The following TMEM179 variants were observed in gnomAD, a reference collection of about 807,000 sequenced individuals.
TMEM179 encodes the protein transmembrane protein 179, also known as transmembrane protein 179A.
A neutral mutation model predicts 22.2 loss-of-function variants in TMEM179; 17 were observed. The ratio of observed to expected loss-of-function variants is 0.77; its 90% CI spans 0.52 to 1.15. The LOEUF is 1.15. Among genes scored for constraint, TMEM179 ranks in the 50% most tolerant of loss-of-function variants. The pLI is 0.00. For synonymous variants in TMEM179, 127 were observed against 140.5 expected, an observed-to-expected ratio of 0.90 and a Z score of 0.68; for missense variants, 265 against 313.6, an observed-to-expected ratio of 0.84 and a Z score of 1.17.
intron 1 of TMEM179, among the ~76,000 whole-genome samples, chr14:104,602,631 A>G (rs968534064): frequency 1.3e-5 from 2 of 152,218 alleles, no homozygotes; most frequent in Non-Finnish European, 2.9e-5. Flanking sequence ...ATGACGTCTC[A>G]AGCCTCTTCT....
rs1458656928 is a variant in TMEM179 at position 104,591,452 on chromosome 14, G to A, written c.*2027C>T. 3 of 455,610 alleles carry A rather than the reference G, an allele frequency of 6.6e-6. No individual in the cohort carries two copies. The highest frequency in any genetic ancestry group is 1.3e-5 in the Non-Finnish European group (3 of 226,604). The allele number at this position is 455,610 out of a possible 1,614,324, so 28.2% of individuals were successfully genotyped here. A position where few individuals can be genotyped will look rare whatever the true frequency, so the allele number is the denominator to read the frequency against. On this transcript the variant is annotated 3_prime_UTR_variant, in exon 4 of 4. Coordinates refer to ENST00000556573, the MANE Select transcript of TMEM179 (RefSeq NM_001286389.2). ...TCCCCATGTCCAGTGGGTCAGGGCT[G>A]GAAGGGGAGACAGGGGACCCCATCA...
At position 104,595,603 on chromosome 14, in the gene TMEM179, G is replaced by A. The variant is rs920473714; in HGVS notation, c.444-360C>T. The stretch of plus-strand genomic sequence containing the variant: ...TCCTGACCCAGGACGGCCGGAAGAC[G>A]CCAGCTCAGCCTCTGCTTTTCTGGA... On this transcript the variant is annotated intron_variant, in intron 2 of 3. Transcript: ENST00000556573. This position sits in a 1 kb window ranked among gnomAD's most constrained non-coding sequence, Gnocchi z 5.7. Among the ~76,000 whole-genome samples the A allele has an allele frequency of 3.9e-5, 6 of 152,038 alleles. No homozygotes were observed. The highest frequency in any genetic ancestry group is 1.3e-4 in the Admixed American group (2 of 15,282).
At chr14:104,603,876 C>A (rs1002870539) in intron 1 of TMEM179, among the ~76,000 whole-genome samples, 4 of 152,204 alleles carry the variant, frequency 2.6e-5, no homozygotes, top group Non-Finnish European at 5.9e-5. Context: ...AGGCGCTGAG[C>A]CCACAAGGCA....
rs976371108 is a variant in TMEM179 at position 104,595,513 on chromosome 14, A to G, written c.444-270T>C. Among the ~76,000 whole-genome samples, 1 of 151,728 alleles carries G rather than the reference A, an allele frequency of 6.6e-6. No individual in the cohort carries two copies. The highest frequency in any genetic ancestry group is 1.5e-5 in the Non-Finnish European group (1 of 67,946). On this transcript the variant is annotated intron_variant, in intron 2 of 3. Coordinates refer to ENST00000556573, the MANE Select transcript of TMEM179 (RefSeq NM_001286389.2). This position sits in a 1 kb window ranked among gnomAD's most constrained non-coding sequence, Gnocchi z 5.7. The stretch of plus-strand genomic sequence containing the variant: ...GCCAGCTCTGCCTCTGCCCTCCTGG[A>G]CCCTCTGCCCCCCATGCCCCACACT...
In TMEM179 at chr14:104,595,647, C is replaced by T. The variant is rs183159508; in HGVS notation, c.444-404G>A. On this transcript the variant is annotated intron_variant, in intron 2 of 3. Transcript: ENST00000556573. The surrounding 1 kb of genome is among the most constrained non-coding windows in gnomAD (Gnocchi z 5.7). Reference sequence around the variant, plus strand: ...TTCTGGACCCTCTGCCCCCCATGCCCCACACTCTGAGGGTCACAGGGTCTC... The same window carrying T: ...TTCTGGACCCTCTGCCCCCCATGCCTCACACTCTGAGGGTCACAGGGTCTC... Among the ~76,000 whole-genome samples, 24 of 152,356 alleles carry T rather than the reference C, an allele frequency of 1.6e-4. 1 individual carries two copies. In the East Asian group the frequency reaches 4.6e-3, roughly 29 times the overall value.
intron 1 of TMEM179, among the ~76,000 whole-genome samples, chr14:104,599,085 T>A (rs1233138653): frequency 1.3e-5 from 2 of 152,160 alleles, no homozygotes; most frequent in African/African-American, 4.8e-5. Context: ...TTCGCCAGGA[T>A]GGGTGTGGGG....
At chr14:104,599,422 G>T (rs1029995068) in intron 1 of TMEM179, among the ~76,000 whole-genome samples, 1 of 152,158 alleles carries the variant, frequency 6.6e-6, no homozygotes, top group Non-Finnish European at 1.5e-5. Flanking sequence ...CCGTTAGCCA[G>T]GGATGGGGAC....
chr14:104,596,962 G>T, intron 2 of TMEM179, 28 bp downstream of exon 2: 1 of 1,593,942 alleles, frequency 6.3e-7, no homozygotes, highest in Non-Finnish European at 8.5e-7. Context: ...GAGGTGGGCG[G>T]AGGCCGAGGC....
rs1887346678 is a variant in TMEM179, at chr14:104,604,371, G to T, written c.305+66C>A. 1 of 1,409,922 alleles carries T rather than the reference G, an allele frequency of 7.1e-7. No homozygotes were observed. The highest frequency in any genetic ancestry group is 1.5e-5 in the South Asian group (1 of 66,470). The allele number at this position is 1,409,922 out of a possible 1,614,324, so 87.3% of individuals were successfully genotyped here. On this transcript the variant is annotated intron_variant, in intron 1 of 3. Transcript: ENST00000556573. The surrounding 1 kb of genome is among the most constrained non-coding windows in gnomAD (Gnocchi z 4.6). ...ACGGAGGGACTCGCGCGCCTCCCCG[G>T]GGAGGTGGGTCTGGGGGCGCTGGGG...
At position 104,595,280 on chromosome 14, in the gene TMEM179, A is replaced by G. The variant is rs1451306173; in HGVS notation, c.444-37T>C. ...GGACATAGGGTGGAGGGTGACCACC[A>G]GGACAGCCAGTGCGGGACATGGCTG... On this transcript the variant is annotated intron_variant, in intron 2 of 3. Transcript: ENST00000556573. The surrounding 1 kb of genome is among the most constrained non-coding windows in gnomAD (Gnocchi z 5.7). 6.3e-7 allele frequency: 1 copy of G among 1,588,852 alleles called. No individual in the cohort carries two copies. The highest frequency in any genetic ancestry group is 1.7e-5 in the Admixed American group (1 of 59,188).
In TMEM179 at chr14:104,595,979, C is replaced by T. The variant is rs1427023142; in HGVS notation, c.444-736G>A. 6.6e-6 allele frequency among the ~76,000 whole-genome samples: 1 copy of T among 152,228 alleles called. No individual in the cohort carries two copies. ...GGCCAAGGAAACTTTGCGTGTGTACCAGAGGTTGCCCACACTCTTGGGAAG... is the reference window on the plus strand; with the variant it reads ...GGCCAAGGAAACTTTGCGTGTGTACTAGAGGTTGCCCACACTCTTGGGAAG... On this transcript the variant is annotated intron_variant, in intron 2 of 3. Coordinates refer to ENST00000556573, the MANE Select transcript of TMEM179 (RefSeq NM_001286389.2). This position sits in a 1 kb window ranked among gnomAD's most constrained non-coding sequence, Gnocchi z 5.7.
In TMEM179 at chr14:104,591,399, G is replaced by T. The variant is rs112068858; in HGVS notation, c.*2080C>A. On this transcript the variant is annotated 3_prime_UTR_variant, in exon 4 of 4. Transcript: ENST00000556573. Reference sequence around the variant, plus strand: ...CACCCCACCTTCTGCTGGGGACACAGACAAGGAGCTCTCCGGACTGGAAAG... The same window carrying T: ...CACCCCACCTTCTGCTGGGGACACATACAAGGAGCTCTCCGGACTGGAAAG... 194 of 456,036 alleles carry T rather than the reference G, an allele frequency of 4.3e-4. 3 individuals are homozygous for T. The highest frequency in any genetic ancestry group is 3.6e-3 in the African/African-American group (181 of 50,190). 28.2% of individuals were successfully genotyped at this position (456,036 alleles called of 1,614,324 possible).
At chr14:104,600,446 A>G (rs1028990835) in intron 1 of TMEM179, among the ~76,000 whole-genome samples, 6 of 152,180 alleles carry the variant, frequency 3.9e-5, no homozygotes, top group African/African-American at 1.2e-4. Flanking sequence ...CGGCCCGCCA[A>G]CCACAAACTG....
intron 1 of TMEM179, among the ~76,000 whole-genome samples, chr14:104,600,268 G>A (rs994457231): frequency 2.0e-5 from 3 of 152,228 alleles, no homozygotes; most frequent in African/African-American, 7.2e-5. Flanking sequence ...CAGTGGTCAG[G>A]AACAGGAGCC....
At chr14:104,594,964 C>T in intron 3 of TMEM179, 1 of 1,433,162 alleles carries the variant, frequency 7.0e-7, no homozygotes, top group Non-Finnish European at 9.1e-7. Flanking sequence ...CTCCCCAAAC[C>T]CACCTACAAA....
rs890335109 is a variant in TMEM179, at chr14:104,594,926, C to T, written c.522+239G>A. On this transcript the variant is annotated intron_variant, in intron 3 of 3. Transcript: ENST00000556573. ...CCCAGACCCCAGGGCCTTGCCACTT[C>T]CTGATTCTAACTCACTGTGGCCATC... 24 of 1,219,038 alleles carry T rather than the reference C, an allele frequency of 2.0e-5. No homozygotes were observed. The Admixed American group carries it at 8.1e-4, about 41-fold the overall frequency. 75.5% of individuals were successfully genotyped at this position (1,219,038 alleles called of 1,614,324 possible). A position where few individuals can be genotyped will look rare whatever the true frequency, so the allele number is the denominator to read the frequency against.
intron 1 of TMEM179, among the ~76,000 whole-genome samples, chr14:104,599,426 T>G (rs749931057): frequency 2.6e-5 from 4 of 152,094 alleles, no homozygotes; most frequent in Non-Finnish European, 4.4e-5. Context: ...TAGCCAGGGA[T>G]GGGGACAGCA....
chr14:104,598,595 T>A (rs904925909), intron 1 of TMEM179, among the ~76,000 whole-genome samples: 2 of 152,040 alleles, frequency 1.3e-5, no homozygotes, highest in African/African-American at 4.8e-5. Flanking sequence ...GAGGGCAGAG[T>A]GATACAAAAG....
intron 1 of TMEM179, among the ~76,000 whole-genome samples, chr14:104,600,786 G>A (rs554602810): frequency 9.2e-5 from 14 of 152,350 alleles, no homozygotes; most frequent in African/African-American, 2.2e-4. Flanking sequence ...AGAGGAAGCT[G>A]GCACCTGAGA....
Sources: allele counts gnomAD v4.1 joint callset (sites outside exome capture counted in the v4.1 genomes callset), GRCh38; gene constraint gnomAD v4.1.1; non-coding constraint Gnocchi (gnomAD v3.1); transcripts MANE v1.5; gene names NCBI Gene and HGNC (gene_info 2026-07-23, HGNC 2026-07-21).